Variants in GALNTL6 observed in about 807,000 individuals in gnomAD.
The protein encoded by GALNTL6 is polypeptide N-acetylgalactosaminyltransferase-like 6.
In GALNTL6, 46 loss-of-function variants were observed where a neutral mutation model predicts 73.7. That is an observed-to-expected ratio of 0.62 (90% CI 0.49 to 0.80). GALNTL6 has a LOEUF of 0.80. Among genes scored for constraint, GALNTL6 ranks in the 30% least tolerant of loss-of-function variants. GALNTL6 has a pLI of 0.00. For synonymous variants in GALNTL6, 259 were observed against 263.7 expected (o/e 0.98, Z 0.17); for missense variants, 604 against 755.0 (o/e 0.80, Z 2.34).
intron 11 of GALNTL6, among the ~76,000 whole-genome samples, chr4:173,014,451 G>A (rs1253965168): frequency 6.6e-6 from 1 of 152,182 alleles, no homozygotes; most frequent in Non-Finnish European, 1.5e-5. Flanking sequence ...AGCAAGTGTT[G>A]CAGCCCAGCT....
At chr4:172,997,277 A>G (rs1339427799) in intron 10 of GALNTL6, among the ~76,000 whole-genome samples, 3 of 152,136 alleles carry the variant, frequency 2.0e-5, no homozygotes, top group Non-Finnish European at 4.4e-5. Flanking sequence ...TTGCTTGGTA[A>G]AAAGAGCCCA....
chr4:172,608,208 G>A (rs928967126), intron 5 of GALNTL6, among the ~76,000 whole-genome samples: 2 of 151,916 alleles, frequency 1.3e-5, no homozygotes, highest in East Asian at 3.9e-4. Flanking sequence ...CTTTTCCAAG[G>A]CTTATGTCCA....
intron 4 of GALNTL6, among the ~76,000 whole-genome samples, chr4:172,324,337 G>A (rs184233719): frequency 2.6e-5 from 4 of 151,884 alleles, no homozygotes; most frequent in African/African-American, 9.6e-5. Flanking sequence ...AGCCAATCAT[G>A]TAAAGTATTT....
chr4:172,596,152 G>T (rs1737845714), intron 5 of GALNTL6, among the ~76,000 whole-genome samples: 1 of 151,984 alleles, frequency 6.6e-6, no homozygotes, highest in African/African-American at 2.4e-5. Context: ...AAATATAATA[G>T]AATGTGTTAA....
chr4:172,555,859 A>T (rs984426236), intron 5 of GALNTL6, among the ~76,000 whole-genome samples: 1 of 152,076 alleles, frequency 6.6e-6, no homozygotes, highest in Admixed American at 6.6e-5. Flanking sequence ...AAAATATGGA[A>T]AATGTTAATG....
chr4:172,720,470 C>G (rs1022336502), intron 5 of GALNTL6, among the ~76,000 whole-genome samples: 3 of 152,150 alleles, frequency 2.0e-5, no homozygotes, highest in African/African-American at 7.2e-5. Flanking sequence ...TTAGTTTCTC[C>G]AGGTTCCCCC....
intron 5 of GALNTL6, among the ~76,000 whole-genome samples, chr4:172,357,591 G>A (rs1474001969): frequency 2.0e-5 from 3 of 150,840 alleles, no homozygotes; most frequent in Non-Finnish European, 2.9e-5. Context: ...AACGTAGATT[G>A]GGAAGACTAT....
At chr4:172,984,395 G>C (rs1416877903) in intron 10 of GALNTL6, among the ~76,000 whole-genome samples, 1 of 152,150 alleles carries the variant, frequency 6.6e-6, no homozygotes, top group Non-Finnish European at 1.5e-5. Context: ...ACTATAACAA[G>C]AACAGCCTGG....
At position 172,324,986 on chromosome 4, in the gene GALNTL6, G is replaced by GT. The variant is rs199911504; in HGVS notation, c.386+13235dup. Among the ~76,000 whole-genome samples, 122 of 151,328 alleles carry GT rather than the reference G, an allele frequency of 8.1e-4. 2 individuals carry two copies. In the South Asian group the frequency reaches 0.016, roughly 20 times the overall value. ...AAATTTGTAAAGAAAATTTCATTTA[G>GT]TAAAGTAAGTACAAAGAAGGAAATA... On this transcript the variant is annotated intron_variant, in intron 4 of 12. Coordinates refer to ENST00000506823, the MANE Select transcript of GALNTL6 (RefSeq NM_001034845.3).
At chr4:171,967,449 T>TC (rs1739418210) in intron 2 of GALNTL6, among the ~76,000 whole-genome samples, 1 of 120,356 alleles carries the variant, frequency 8.3e-6, no homozygotes, top group African/African-American at 4.4e-5. Flanking sequence ...CCCTATGGGT[T>TC]TTTTTTTTTT....
chr4:172,026,423 T>C (rs1006218565), intron 2 of GALNTL6, among the ~76,000 whole-genome samples: 5 of 152,112 alleles, frequency 3.3e-5, no homozygotes, highest in Admixed American at 6.6e-5. Flanking sequence ...ATCAGAAAGA[T>C]GTAGGTTCAA....
chr4:172,296,190 C>T (rs895870379), intron 3 of GALNTL6, among the ~76,000 whole-genome samples: 4 of 152,008 alleles, frequency 2.6e-5, no homozygotes, highest in Non-Finnish European at 4.4e-5. Context: ...GAATGTGTAT[C>T]GGCTTTTACT....
chr4:172,750,937 A>T (rs540215965), intron 5 of GALNTL6, among the ~76,000 whole-genome samples: 3 of 152,282 alleles, frequency 2.0e-5, no homozygotes, highest in Admixed American at 6.5e-5. Flanking sequence ...TTATCTAAGT[A>T]GTCCAGGTTC....
At chr4:172,947,744 G>A (rs545398055) in intron 9 of GALNTL6, among the ~76,000 whole-genome samples, 24 of 152,248 alleles carry the variant, frequency 1.6e-4, no homozygotes, top group Admixed American at 7.8e-4. Flanking sequence ...TTACACAGCC[G>A]TAAGTGTTCA....
chr4:173,003,611 T>C (rs1230849151), intron 10 of GALNTL6, among the ~76,000 whole-genome samples: 1 of 152,200 alleles, frequency 6.6e-6, no homozygotes, highest in Non-Finnish European at 1.5e-5. Context: ...TGTTTAATCC[T>C]CACAACTGCC....
At chr4:172,207,715 C>T (rs767161539) in intron 2 of GALNTL6, among the ~76,000 whole-genome samples, 2 of 152,076 alleles carry the variant, frequency 1.3e-5, no homozygotes, top group Non-Finnish European at 2.9e-5. Context: ...TACTTGAATT[C>T]TCTGTCCCTC....
intron 2 of GALNTL6, among the ~76,000 whole-genome samples, chr4:172,203,370 A>G (rs1232799004): frequency 1.3e-5 from 2 of 152,200 alleles, no homozygotes; most frequent in Non-Finnish European, 2.9e-5. Context: ...GGCAGCGGAA[A>G]CTTAAAAACT....
chr4:171,933,949 T>C (rs1578985216), intron 2 of GALNTL6, among the ~76,000 whole-genome samples: 1 of 152,044 alleles, frequency 6.6e-6, no homozygotes, highest in Admixed American at 6.5e-5. Context: ...CTCTTTTCAA[T>C]GTAGGGGTTT....
intron 5 of GALNTL6, among the ~76,000 whole-genome samples, chr4:172,405,764 A>AT (rs144582172): frequency 6.6e-5 from 10 of 151,294 alleles, no homozygotes; most frequent in South Asian, 2.1e-4. Flanking sequence ...CCTTTTATTG[A>AT]TTTTTTTTCA....
Sources: gnomAD v4.1 joint callset for allele counts (sites outside exome capture counted in the v4.1 genomes callset) on GRCh38, gnomAD v4.1.1 for gene constraint, MANE v1.5 for transcripts, NCBI Gene and HGNC (gene_info 2026-07-23, HGNC 2026-07-21) for gene names.